RNPC3: variants seen among roughly 807,000 people sequenced by gnomAD.
The protein encoded by RNPC3 is RNA-binding region-containing protein 3.
In RNPC3, 48 loss-of-function variants were observed where a neutral mutation model predicts 67.5. That is an observed-to-expected ratio of 0.71 (90% CI 0.56 to 0.90). The LOEUF (loss-of-function observed/expected upper bound fraction) is 0.90. Ranked by LOEUF, RNPC3 falls within the 40% of genes least tolerant of loss-of-function variation. RNPC3 has a pLI of 0.00. For synonymous variants in RNPC3, 239 were observed against 210.3 expected (o/e 1.14, Z -1.18); for missense variants, 637 against 626.1 (o/e 1.02, Z -0.19).
At position 103,534,864 on chromosome 1, in the gene RNPC3, ATT is replaced by A; in HGVS notation, c.443+11_443+12del. 2.0e-6 allele frequency: 3 copies of A among 1,511,084 alleles called. No individual in the cohort carries two copies. Among genetic ancestry groups the A allele is most frequent in the Non-Finnish European group, 2.7e-6 (3 of 1,130,174 alleles). 93.6% of individuals were successfully genotyped at this position (1,511,084 alleles called of 1,614,324 possible). Reference sequence around the variant, plus strand: ...GAATTGCACCAAACCATGGGTTAGCATTTTTGTTTGCTTTTCTTTTGCTTTTG... The same window carrying A: ...GAATTGCACCAAACCATGGGTTAGCATTTGTTTGCTTTTCTTTTGCTTTTG... On this transcript the variant is annotated splice_region_variant and intron_variant, in intron 4 of 14. Coordinates refer to ENST00000423855, the MANE Select transcript of RNPC3 (RefSeq NM_017619.4).
intron 14 of RNPC3, 104 bp downstream of exon 14, chr1:103,551,896 T>C (rs950294776): frequency 2.1e-5 from 13 of 627,994 alleles, no homozygotes; most frequent in Non-Finnish European, 3.2e-5. Flanking sequence ...TTTTTTTTTT[T>C]TTTTGAGGAA....
intron 12 of RNPC3, among the ~76,000 whole-genome samples, chr1:103,550,658 A>AG (rs1651367032): frequency 6.6e-6 from 1 of 151,754 alleles, no homozygotes; most frequent in Admixed American, 6.6e-5. Flanking sequence ...AAAAAAAAAA[A>AG]AAGAAGTTTG....
chr1:103,538,051 G>A (rs1651036856), intron 7 of RNPC3, among the ~76,000 whole-genome samples: 1 of 151,868 alleles, frequency 6.6e-6, no homozygotes, highest in Non-Finnish European at 1.5e-5. Context: ...CTCCATGTTG[G>A]TCAGGCTGGT....
At chr1:103,537,248 C>G in intron 6 of RNPC3, 94 bp from the exon 7 acceptor site, 1 of 844,830 alleles carries the variant, frequency 1.2e-6, no homozygotes, top group Non-Finnish European at 1.7e-6. Context: ...AAAAAAAGAC[C>G]ATGTGATAGA....
In RNPC3 at chr1:103,551,162, C is replaced by T. The variant is rs965940709; in HGVS notation, c.1494+89C>T. On this transcript the variant is annotated intron_variant, in intron 13 of 14. Coordinates refer to ENST00000423855, the MANE Select transcript of RNPC3 (RefSeq NM_017619.4). ...TTTTCATGTTACCCTTTAGAAATTT[C>T]CACAATTGGCATTCTAGCAGTAGAT... 5 of 1,121,908 alleles carry T rather than the reference C, an allele frequency of 4.5e-6. No individual in the cohort carries two copies. The African/African-American group carries it at 6.4e-5, about 14-fold the overall frequency. The allele number at this position is 1,121,908 out of a possible 1,614,324, so 69.5% of individuals were successfully genotyped here.
Position 103,541,457 on chromosome 1 carries a change from C to A in RNPC3, c.875C>A (p.Pro292His). 1 of 1,493,384 alleles carries A rather than the reference C, an allele frequency of 6.7e-7. No individual in the cohort carries two copies. Among genetic ancestry groups the A allele is most frequent in the South Asian group, 1.3e-5 (1 of 77,748 alleles). 92.5% of individuals were successfully genotyped at this position (1,493,384 alleles called of 1,614,324 possible). ...KRKIKDMLNT[P>H]LCPSHSSLHP... is the part of the protein sequence containing the mutation. Reference sequence around the variant, plus strand: ...AAAATAAAGGATATGTTGAATACACCTTTGTGTCCTTCACACAGGTAATTT... The same window carrying A: ...AAAATAAAGGATATGTTGAATACACATTTGTGTCCTTCACACAGGTAATTT... Residue 292 changes from proline to histidine, a missense_variant, in exon 8 of 15, where the codon CCT (proline) becomes CAT (histidine). Physicochemically the swap from Pro to His is moderately conservative, Grantham distance 77. Around this residue, in one of 3 missense-constraint regions of RNPC3, gnomAD observed 536 missense variants for 500.3 expected, o/e 1.07. Transcript: ENST00000423855.
chr1:103,550,842 T>C (rs1407852413), intron 12 of RNPC3, 99 bp from the exon 13 acceptor site: 1 of 1,176,394 alleles, frequency 8.5e-7, no homozygotes, highest in Admixed American at 2.1e-5. Flanking sequence ...AATAGTGTAG[T>C]CACTTTTATT....
At position 103,543,453 on chromosome 1, in the gene RNPC3, G is replaced by C; in HGVS notation, c.1045+6G>C. On this transcript the variant is annotated splice_donor_region_variant and intron_variant, in intron 9 of 14. Coordinates refer to ENST00000423855, the MANE Select transcript of RNPC3 (RefSeq NM_017619.4). ...TTGTGAGGAAAAAAATCATGGTAAGGATATTCTAGTTATTTCACATGCTGA... is the reference window on the plus strand; with the variant it reads ...TTGTGAGGAAAAAAATCATGGTAAGCATATTCTAGTTATTTCACATGCTGA... 4.7e-6 allele frequency: 7 copies of C among 1,474,708 alleles called. No individual in the cohort carries two copies. Among genetic ancestry groups the C allele is most frequent in the Non-Finnish European group, 6.3e-6 (7 of 1,117,250 alleles). 91.4% of individuals were successfully genotyped at this position (1,474,708 alleles called of 1,614,324 possible).
At chr1:103,550,570 G>A (rs1208130701) in intron 12 of RNPC3, among the ~76,000 whole-genome samples, 1 of 147,886 alleles carries the variant, frequency 6.8e-6, no homozygotes, top group Non-Finnish European at 1.5e-5. Context: ...GAACCTGGGA[G>A]ATGGAGCTTG....
chr1:103,538,300 A>G (rs1651043454), intron 7 of RNPC3, among the ~76,000 whole-genome samples: 1 of 152,138 alleles, frequency 6.6e-6, no homozygotes, highest in African/African-American at 2.4e-5. Context: ...TATCCTTTTC[A>G]TAGTCTGTTC....
intron 12 of RNPC3, among the ~76,000 whole-genome samples, chr1:103,548,211 G>A (rs1239701353): frequency 6.6e-6 from 1 of 152,066 alleles, no homozygotes; most frequent in African/African-American, 2.4e-5. Flanking sequence ...TTAACATTGG[G>A]CTCATCATTA....
chr1:103,541,318 A>T, intron 7 of RNPC3, 32 bp from the exon 8 acceptor site: 1 of 1,464,086 alleles, frequency 6.8e-7, no homozygotes, highest in South Asian at 1.3e-5. Flanking sequence ...CTAGAAAGGA[A>T]ATTTTGTTTA....
At chr1:103,545,750 G>C (rs1651228143) in intron 10 of RNPC3, 1 of 152,400 alleles carries the variant, frequency 6.6e-6, no homozygotes, top group South Asian at 2.1e-4. Flanking sequence ...TGAGATGCCT[G>C]ATACTGTGTT....
chr1:103,551,737 C>A lies in RNPC3; in HGVS notation c.1511C>A (p.Ala504Asp). The change falls in exon 14 of 15, where the codon GCT (alanine) becomes GAT (aspartate). Residue 504 changes from alanine (A) to aspartate (D), a missense_variant. By Grantham distance (126) the Ala-to-Asp change is moderately radical. Around this residue, in one of 3 missense-constraint regions of RNPC3, gnomAD observed 96 missense variants for 105.8 expected, o/e 0.91. Transcript: ENST00000423855. ...AATTATTAGCAGTTTGCTCGATCTG[C>A]TAGACCAAAACAAGATCCTAAGGAA... Reference protein sequence around the residue: ...KPMVVQFARSARPKQDPKEGK... With the variant: ...KPMVVQFARSDRPKQDPKEGK... 6.5e-7 allele frequency: 1 copy of A among 1,532,938 alleles called. No homozygotes were observed. Among genetic ancestry groups the A allele is most frequent in the Admixed American group, 2.1e-5 (1 of 48,778 alleles). The allele number at this position is 1,532,938 out of a possible 1,614,324, so 95.0% of individuals were successfully genotyped here. A position where few individuals can be genotyped will look rare whatever the true frequency, so the allele number is the denominator to read the frequency against.
chr1:103,544,753 AT>A (rs944663279), intron 9 of RNPC3, among the ~76,000 whole-genome samples, 187 bp from the exon 10 acceptor site: 62 of 146,696 alleles, frequency 4.2e-4, no homozygotes, highest in East Asian at 3.9e-4. Context: ...CTTTAACAAA[AT>A]TTTTTTTTTT....
At position 103,533,727 on chromosome 1, in the gene RNPC3, T is replaced by G. The variant is rs1650918400; in HGVS notation, c.241-12T>G. The G allele has an allele frequency of 7.4e-7, 1 of 1,358,890 alleles. No homozygotes were observed. The highest frequency in any genetic ancestry group is 1.4e-5 in the African/African-American group (1 of 69,226). 84.2% of individuals were successfully genotyped at this position (1,358,890 alleles called of 1,614,324 possible). ...AATTGTGAAATGTTTACTCTTGTTCTTTTAACTGAAGGCATTGACAAGACT... is the reference window on the plus strand; with the variant it reads ...AATTGTGAAATGTTTACTCTTGTTCGTTTAACTGAAGGCATTGACAAGACT... On this transcript the variant is annotated splice_polypyrimidine_tract_variant and intron_variant, in intron 2 of 14. Coordinates refer to ENST00000423855, the MANE Select transcript of RNPC3 (RefSeq NM_017619.4).
intron 2 of RNPC3, among the ~76,000 whole-genome samples, chr1:103,528,981 T>C (rs1004120854): frequency 6.6e-6 from 1 of 152,182 alleles, no homozygotes; most frequent in Non-Finnish European, 1.5e-5. Context: ...TAAATCACAT[T>C]ATATCCATAT....
At chr1:103,531,667 C>T (rs920647510) in intron 2 of RNPC3, among the ~76,000 whole-genome samples, 2 of 151,926 alleles carry the variant, frequency 1.3e-5, no homozygotes, top group Admixed American at 6.6e-5. Flanking sequence ...CTATTCATGT[C>T]CTTAGCCCAT....
chr1:103,539,825 C>T (rs976511047), intron 7 of RNPC3, among the ~76,000 whole-genome samples: 2 of 152,174 alleles, frequency 1.3e-5, no homozygotes, highest in African/African-American at 4.8e-5. Context: ...TATGATACCA[C>T]ATATGGCTGG....
Sources: gnomAD v4.1 joint callset for allele counts (sites outside exome capture counted in the v4.1 genomes callset) on GRCh38, gnomAD v4.1.1 for gene constraint, gnomAD v4.1.1 regional missense constraint, MANE v1.5 for transcripts, NCBI Gene and HGNC (gene_info 2026-07-23, HGNC 2026-07-21) for gene names.